Variants in TFDP2 observed in about 807,000 individuals in gnomAD.
TFDP2 encodes the protein transcription factor Dp-2, also known as transcription factor Dp-2 (E2F dimerization partner 2).
In TFDP2, 17 loss-of-function variants were observed where a neutral mutation model predicts 59.3. That is an observed-to-expected ratio of 0.29 (90% CI 0.20 to 0.43). TFDP2 has a LOEUF of 0.43. Among genes scored for constraint, TFDP2 ranks in the 20% least tolerant of loss-of-function variants. The pLI, the probability that TFDP2 is intolerant of heterozygous loss-of-function variation, is 1.00. For synonymous variants in TFDP2, 180 were observed against 194.7 expected (o/e 0.92, Z 0.63); for missense variants, 391 against 528.8 (o/e 0.74, Z 2.56).
chr3:142,113,615 T>C (rs1425509293), intron 1 of TFDP2, among the ~76,000 whole-genome samples: 1 of 152,096 alleles, frequency 6.6e-6, no homozygotes, highest in East Asian at 1.9e-4. Flanking sequence ...AACTGTTGTA[T>C]AATGAACTAT....
rs1315175094 is a variant in TFDP2 at position 141,947,815 on chromosome 3, G to A, written c.*4698C>T. The A allele has an allele frequency of 1.3e-5, 2 of 152,154 alleles. No homozygotes were observed. The highest frequency in any genetic ancestry group is 2.9e-5 in the Non-Finnish European group (2 of 68,008). 9.4% of individuals were successfully genotyped at this position (152,154 alleles called of 1,614,324 possible). A position where few individuals can be genotyped will look rare whatever the true frequency, so the allele number is the denominator to read the frequency against. ...TGGGACAGAGTGGCTTGTTAAGAAAGTATAGAGACATCTGTCTTTCCACCA... is the reference window on the plus strand; with the variant it reads ...TGGGACAGAGTGGCTTGTTAAGAAAATATAGAGACATCTGTCTTTCCACCA... On this transcript the variant is annotated 3_prime_UTR_variant, in exon 13 of 13. Coordinates refer to ENST00000489671, the MANE Select transcript of TFDP2 (RefSeq NM_001178139.2).
chr3:142,132,544 G>C (rs765134911), intron 1 of TFDP2, among the ~76,000 whole-genome samples: 2 of 149,422 alleles, frequency 1.3e-5, no homozygotes, highest in Non-Finnish European at 2.9e-5. Context: ...AGGAGATCAA[G>C]ACCATCCTGG....
At chr3:142,054,564 T>C (rs1175170032) in intron 3 of TFDP2, among the ~76,000 whole-genome samples, 1 of 152,342 alleles carries the variant, frequency 6.6e-6, no homozygotes, top group East Asian at 1.9e-4. Context: ...CAGGTGGCAC[T>C]TCATAATATT....
intron 3 of TFDP2, among the ~76,000 whole-genome samples, chr3:142,045,816 T>G (rs929393492): frequency 1.1e-4 from 16 of 151,458 alleles, no homozygotes; most frequent in African/African-American, 3.4e-4. Flanking sequence ...AGGGATGGGA[T>G]TTCACCATGT....
chr3:141,999,939 G>A (rs1029336522), intron 4 of TFDP2, among the ~76,000 whole-genome samples: 1 of 152,086 alleles, frequency 6.6e-6, no homozygotes, highest in Admixed American at 6.5e-5. Context: ...GTTTCACCTT[G>A]TTAGCCAGGA....
chr3:142,089,226 C>T (rs1423929299), intron 3 of TFDP2, among the ~76,000 whole-genome samples: 3 of 150,710 alleles, frequency 2.0e-5, no homozygotes, highest in Non-Finnish European at 4.4e-5. Context: ...ACCCTCTCTC[C>T]TCAGTAGAAA....
chr3:142,145,462 T>C (rs2063135561), intron 1 of TFDP2: 1 of 152,184 alleles, frequency 6.6e-6, no homozygotes, highest in Admixed American at 6.5e-5. Context: ...CAGTGCTCCC[T>C]TAGTAGCACA....
chr3:142,134,598 G>C (rs62284579), intron 1 of TFDP2, among the ~76,000 whole-genome samples: 2 of 151,810 alleles, frequency 1.3e-5, no homozygotes, highest in East Asian at 1.9e-4. Flanking sequence ...TTTTTAAAAG[G>C]CAGAAAATGT....
intron 3 of TFDP2, among the ~76,000 whole-genome samples, chr3:142,078,027 C>T (rs1293328712): frequency 6.6e-6 from 1 of 152,186 alleles, no homozygotes; most frequent in Non-Finnish European, 1.5e-5. Flanking sequence ...TAAGTAAACC[C>T]TGGAAGTGGC....
intron 3 of TFDP2, among the ~76,000 whole-genome samples, chr3:142,075,917 A>C (rs567773038): frequency 6.6e-6 from 1 of 150,864 alleles, no homozygotes; most frequent in South Asian, 2.1e-4. Flanking sequence ...AAAAAAAAAA[A>C]AAAAAAAGGC....
At chr3:142,062,322 G>A (rs1050085065) in intron 3 of TFDP2, among the ~76,000 whole-genome samples, 1 of 151,196 alleles carries the variant, frequency 6.6e-6, no homozygotes, top group Non-Finnish European at 1.5e-5. Flanking sequence ...TGACTGCACA[G>A]GGAGGTCAGT....
intron 3 of TFDP2, among the ~76,000 whole-genome samples, chr3:142,055,408 C>A (rs986566087): frequency 1.3e-5 from 2 of 152,180 alleles, no homozygotes; most frequent in African/African-American, 4.8e-5. Flanking sequence ...TTGCTGTGTA[C>A]CTACCATGTG....
At position 141,946,905 on chromosome 3, in the gene TFDP2, G is replaced by C. The variant is rs1277806461; in HGVS notation, c.*5608C>G. On this transcript the variant is annotated 3_prime_UTR_variant, in exon 13 of 13. Transcript: ENST00000489671. ...TAGCCAGGCGTGGTGGCACATGTCT[G>C]TAATCCCAACTACTTGGGAGGCTGA... The C allele has an allele frequency of 6.6e-6, 1 of 152,340 alleles. No homozygotes were observed. Among genetic ancestry groups the C allele is most frequent in the South Asian group, 2.1e-4 (1 of 4,834 alleles). 9.4% of individuals were successfully genotyped at this position (152,340 alleles called of 1,614,324 possible). A position where few individuals can be genotyped will look rare whatever the true frequency, so the allele number is the denominator to read the frequency against.
intron 10 of TFDP2, among the ~76,000 whole-genome samples, chr3:141,961,982 C>T (rs1057358016): frequency 9.2e-5 from 14 of 152,050 alleles, no homozygotes; most frequent in Admixed American, 7.2e-4. Flanking sequence ...GAGTTTTGCT[C>T]TTGCTGCCCA....
intron 3 of TFDP2, chr3:142,053,978 A>T (rs1161545255): frequency 6.6e-6 from 1 of 152,234 alleles, no homozygotes; most frequent in African/African-American, 2.4e-5. Flanking sequence ...AAAACAAAAA[A>T]AACTGACCAT....
At chr3:142,105,052 G>A (rs2061431165) in intron 1 of TFDP2, among the ~76,000 whole-genome samples, 1 of 152,004 alleles carries the variant, frequency 6.6e-6, no homozygotes, top group African/African-American at 2.4e-5. Flanking sequence ...TACACTGAAT[G>A]TTTCAGAGTT....
intron 3 of TFDP2, among the ~76,000 whole-genome samples, chr3:142,073,486 A>T (rs1299013386): frequency 8.0e-6 from 1 of 125,274 alleles, no homozygotes; most frequent in African/African-American, 3.1e-5. Context: ...AAAAAAAAAT[A>T]AAAAAGACAA....
intron 1 of TFDP2, among the ~76,000 whole-genome samples, chr3:142,103,674 G>A (rs1237028843): frequency 6.6e-6 from 1 of 152,082 alleles, no homozygotes; most frequent in African/African-American, 2.4e-5. Flanking sequence ...AGGGCATCTG[G>A]GAGTTCTTTG....
rs557318467 is a variant in TFDP2 at position 141,957,131 on chromosome 3, A to G, written c.1051+2543T>C. ...CAAGAGTTCCAGATCAGCCTGGCCA[A>G]CATGGTGAAATCCTGTCTCTACTAA... On this transcript the variant is annotated intron_variant, in intron 11 of 12. Coordinates refer to ENST00000489671, the MANE Select transcript of TFDP2 (RefSeq NM_001178139.2). 6.4e-4 allele frequency among the ~76,000 whole-genome samples: 97 copies of G among 152,246 alleles called. 1 individual carries two copies. The highest frequency in any genetic ancestry group is 4.1e-3 in the Admixed American group (63 of 15,298).
Sources: allele counts gnomAD v4.1 joint callset (sites outside exome capture counted in the v4.1 genomes callset), GRCh38; gene constraint gnomAD v4.1.1; transcripts MANE v1.5; gene names NCBI Gene and HGNC (gene_info 2026-07-23, HGNC 2026-07-21).